The following OSBPL9 variants were observed in gnomAD, a reference collection of about 807,000 sequenced individuals.
OSBPL9 encodes the protein oxysterol binding protein like 9.
Under a neutral mutation model 106.6 loss-of-function variants are expected in OSBPL9, and 40 were observed. The ratio of observed to expected loss-of-function variants is 0.38; its 90% CI spans 0.29 to 0.49. OSBPL9 has a LOEUF of 0.49. Among genes scored for constraint, OSBPL9 ranks in the 20% least tolerant of loss-of-function variants. The probability of loss-of-function intolerance (pLI) is 0.97; values close to 1 mark genes in which losing one functional copy is unlikely to be tolerated. For missense variants in OSBPL9, 609 were observed against 887.2 expected, an observed-to-expected ratio of 0.69 and a Z score of 3.98; for synonymous variants, 269 against 295.4, an observed-to-expected ratio of 0.91 and a Z score of 0.92.
chr1:51,753,501 T>A (rs944185497), intron 8 of OSBPL9, among the ~76,000 whole-genome samples: 1 of 152,206 alleles, frequency 6.6e-6, no homozygotes, highest in African/African-American at 2.4e-5. Flanking sequence ...AGAACTTCCA[T>A]TGAGTACTGA....
At chr1:51,731,142 A>T (rs1664299462) in intron 4 of OSBPL9, among the ~76,000 whole-genome samples, 2 of 152,090 alleles carry the variant, frequency 1.3e-5, no homozygotes, top group Admixed American at 1.3e-4. Context: ...TGTATGATTA[A>T]AAGTCAGATT....
the OSBPL9 span, among the ~76,000 whole-genome samples, chr1:51,527,820 A>G: frequency 6.6e-6 from 1 of 152,122 alleles, no homozygotes; most frequent in East Asian, 1.9e-4. Flanking sequence ...CATGTTATAG[A>G]AAGGTAACTC....
rs572829948 is a variant in OSBPL9 at position 51,726,131 on chromosome 1, C to T, written c.318+12052C>T. Among the ~76,000 whole-genome samples, 9 of 152,318 alleles carry T rather than the reference C, an allele frequency of 5.9e-5. 1 individual carries two copies. The South Asian group carries it at 1.7e-3, about 28-fold the overall frequency. Reference sequence around the variant, plus strand: ...AGGAAGATAAAATATATTTACTGTTCATTAAGTGGTTCCCATGGGTGCTGG... The same window carrying T: ...AGGAAGATAAAATATATTTACTGTTTATTAAGTGGTTCCCATGGGTGCTGG... On this transcript the variant is annotated intron_variant, in intron 4 of 23. Coordinates refer to ENST00000428468, the MANE Select transcript of OSBPL9 (RefSeq NM_024586.6).
the OSBPL9 span, chr1:51,519,131 CG>C: frequency 8.7e-7 from 1 of 1,151,292 alleles, no homozygotes; most frequent in Non-Finnish European, 1.2e-6. Flanking sequence ...AAGAAGTCGG[CG>C]AAGCTGAGGG....
At chr1:51,755,509 GTT>G (rs555757309) in intron 8 of OSBPL9, among the ~76,000 whole-genome samples, 1 of 152,140 alleles carries the variant, frequency 6.6e-6, no homozygotes, top group African/African-American at 2.4e-5. Context: ...TTGAGTTTTG[GTT>G]TTTTCCCAGG....
At chr1:51,669,349 C>A in intron 2 of OSBPL9, 85 bp from the exon 3 acceptor site, 2 of 1,091,936 alleles carry the variant, frequency 1.8e-6, no homozygotes, top group Non-Finnish European at 2.7e-6. Flanking sequence ...GTCGTTGGTG[C>A]ATTGAGTATT....
chr1:51,519,547 T>C, the OSBPL9 span, among the ~76,000 whole-genome samples: 12 of 152,260 alleles, frequency 7.9e-5, no homozygotes, highest in East Asian at 2.3e-3. Flanking sequence ...CGGAGGCGAC[T>C]GCAGATTGAC....
At chr1:51,539,176 A>G in the OSBPL9 span, among the ~76,000 whole-genome samples, 2 of 152,176 alleles carry the variant, frequency 1.3e-5, no homozygotes, top group Non-Finnish European at 2.9e-5. Flanking sequence ...AAGACATCTC[A>G]GGTTTAACAT....
the OSBPL9 span, among the ~76,000 whole-genome samples, chr1:51,571,536 A>G: frequency 6.6e-6 from 1 of 152,112 alleles, no homozygotes; most frequent in African/African-American, 2.4e-5. Flanking sequence ...GGATGGTGGT[A>G]CATGCCTGTA....
the OSBPL9 span, among the ~76,000 whole-genome samples, chr1:51,524,169 T>C: frequency 6.6e-6 from 1 of 152,228 alleles, no homozygotes; most frequent in Admixed American, 6.5e-5. Flanking sequence ...ATAACAACAA[T>C]TGTGCTATGC....
At chr1:51,563,800 G>T in the OSBPL9 span, 6 of 152,246 alleles carry the variant, frequency 3.9e-5, no homozygotes, top group African/African-American at 1.4e-4. Context: ...TGGGGTCCAG[G>T]CTGGGCGTGG....
At chr1:51,519,141 G>C in the OSBPL9 span, 8 of 1,259,684 alleles carry the variant, frequency 6.4e-6, no homozygotes, top group African/African-American at 1.6e-5. Context: ...CGAAGCTGAG[G>C]GCGGTGGGGG....
intron 4 of OSBPL9, among the ~76,000 whole-genome samples, chr1:51,740,687 A>G (rs1400870632): frequency 6.6e-6 from 1 of 152,202 alleles, no homozygotes; most frequent in Non-Finnish European, 1.5e-5. Flanking sequence ...TCACTGTGAA[A>G]TAAAATTAGA....
intron 9 of OSBPL9, chr1:51,759,661 AC>A (rs1373141954): frequency 1.3e-5 from 2 of 152,166 alleles, no homozygotes; most frequent in African/African-American, 4.8e-5. Flanking sequence ...TGTGGCAAAG[AC>A]TTTGGTTTAA....
chr1:51,693,195 G>A (rs1362002806), intron 3 of OSBPL9, among the ~76,000 whole-genome samples: 4 of 151,704 alleles, frequency 2.6e-5, no homozygotes, highest in Non-Finnish European at 5.9e-5. Flanking sequence ...GTAACATACC[G>A]AGACCCTGTT....
At chr1:51,639,829 T>TG (rs1046931226) in intron 1 of OSBPL9, among the ~76,000 whole-genome samples, 2 of 138,662 alleles carry the variant, frequency 1.4e-5, no homozygotes, top group African/African-American at 5.6e-5. Flanking sequence ...TTTTTTTTTT[T>TG]TTTTTTTTTT....
chr1:51,529,012 A>G, the OSBPL9 span, among the ~76,000 whole-genome samples: 1 of 152,220 alleles, frequency 6.6e-6, no homozygotes, highest in Non-Finnish European at 1.5e-5. Context: ...GAAGACCTAA[A>G]CAAATGGAAA....
intron 6 of OSBPL9, among the ~76,000 whole-genome samples, chr1:51,747,126 C>G (rs1355660295): frequency 6.6e-6 from 1 of 152,138 alleles, no homozygotes; most frequent in Non-Finnish European, 1.5e-5. Flanking sequence ...TGTGCCACAC[C>G]TGGCCAATTT....
chr1:51,553,676 TA>T, the OSBPL9 span, among the ~76,000 whole-genome samples: 40 of 151,700 alleles, frequency 2.6e-4, no homozygotes, highest in Middle Eastern at 3.4e-3. Flanking sequence ...ATCCCATCTC[TA>T]AAAAAAAATT....
Sources: allele counts gnomAD v4.1 joint callset (sites outside exome capture counted in the v4.1 genomes callset), GRCh38; gene constraint gnomAD v4.1.1; transcripts MANE v1.5; gene names NCBI Gene and HGNC (gene_info 2026-07-23, HGNC 2026-07-21).